The following SMARCD1 variants were observed in gnomAD, a reference collection of about 807,000 sequenced individuals.
SMARCD1 encodes the protein SWI/SNF-related matrix-associated actin-dependent regulator of chromatin subfamily D member 1.
SMARCD1 carries 16 observed loss-of-function variants against 70.8 expected under a neutral mutation model. The observed-to-expected ratio is 0.23, with a 90% CI of 0.15 to 0.34. The LOEUF (loss-of-function observed/expected upper bound fraction) is 0.34. SMARCD1 is among the 10% of genes least tolerant of loss of function. The pLI, the probability that SMARCD1 is intolerant of heterozygous loss-of-function variation, is 1.00. For missense variants in SMARCD1, 409 were observed against 655.5 expected (o/e 0.62, Z 4.11); for synonymous variants, 249 against 246.0 (o/e 1.01, Z -0.11).
At chr12:50,088,278 G>T (rs751184812) in intron 5 of SMARCD1, 1 of 702,658 alleles carries the variant, frequency 1.4e-6, no homozygotes, top group Non-Finnish European at 2.6e-6. Context: ...TTTCCCTTGG[G>T]CAAATGAGAT....
At chr12:50,094,651 T>C (rs1950876400) in intron 10 of SMARCD1, 79 bp downstream of exon 10, 4 of 1,392,362 alleles carry the variant, frequency 2.9e-6, no homozygotes, top group East Asian at 4.6e-5. Context: ...TTCTTAGTGT[T>C]CATTCAAAAT....
chr12:50,095,239 G>A (rs908228608), intron 10 of SMARCD1, among the ~76,000 whole-genome samples: 1 of 152,178 alleles, frequency 6.6e-6, no homozygotes, highest in Non-Finnish European at 1.5e-5. Flanking sequence ...ATTACTAGAC[G>A]CAGTCCTTGC....
At chr12:50,094,332 TAC>T in intron 9 of SMARCD1, 103 bp from the exon 10 acceptor site, 1 of 1,152,040 alleles carries the variant, frequency 8.7e-7, no homozygotes, top group Non-Finnish European at 1.2e-6. Context: ...CGGGCCCTTT[TAC>T]AGTTAGCCCC....
intron 4 of SMARCD1, 142 bp from the exon 5 acceptor site, chr12:50,087,221 T>C: frequency 1.0e-6 from 1 of 989,714 alleles, no homozygotes. Context: ...CTCTTCTAAA[T>C]GGAATCTTCA....
In SMARCD1 at chr12:50,099,211, A is replaced by C. The variant is rs1032744330; in HGVS notation, c.*211A>C. ...CCCACCCCCAGCTTCCCTTTGCCCC[A>C]CAAAGTTCCCATGTGCCTGTACCCT... On this transcript the variant is annotated 3_prime_UTR_variant, in exon 13 of 13. Coordinates refer to ENST00000394963, the MANE Select transcript of SMARCD1 (RefSeq NM_003076.5). 1.6e-6 allele frequency: 1 copy of C among 619,158 alleles called. No individual in the cohort carries two copies. The highest frequency in any genetic ancestry group is 2.8e-5 in the Admixed American group (1 of 36,340). The allele number at this position is 619,158 out of a possible 1,614,324, so 38.4% of individuals were successfully genotyped here. A position where few individuals can be genotyped will look rare whatever the true frequency, so the allele number is the denominator to read the frequency against.
chr12:50,087,232 TCCAC>T, intron 4 of SMARCD1, 127 bp from the exon 5 acceptor site: 1 of 1,106,790 alleles, frequency 9.0e-7, no homozygotes, highest in Non-Finnish European at 1.3e-6. Context: ...GGAATCTTCA[TCCAC>T]CCACCCAAGG....
At chr12:50,096,605 G>T (rs1293043043) in intron 10 of SMARCD1, 1 of 428,166 alleles carries the variant, frequency 2.3e-6, no homozygotes, top group African/African-American at 2.0e-5. Flanking sequence ...CCCATAGTGG[G>T]CAATGTGGAG....
At chr12:50,097,598 A>G (rs1950903929) in intron 11 of SMARCD1, among the ~76,000 whole-genome samples, 1 of 148,728 alleles carries the variant, frequency 6.7e-6, no homozygotes. Flanking sequence ...TAAACCACAT[A>G]AGACATTATC....
intron 1 of SMARCD1, chr12:50,085,948 C>G (rs1419030106): frequency 7.3e-6 from 3 of 413,236 alleles, no homozygotes; most frequent in Admixed American, 8.1e-5. Context: ...CCAAAATAGA[C>G]TGAGAATTTG....
At chr12:50,091,860 GAGCCACT>G (rs2137888688) in intron 9 of SMARCD1, among the ~76,000 whole-genome samples, 1 of 152,326 alleles carries the variant, frequency 6.6e-6, no homozygotes, top group African/African-American at 2.4e-5. Flanking sequence ...TTACAGGTGT[GAGCCACT>G]GCGCCCGGCT....
Position 50,100,435 on chromosome 12 carries a change from C to G in SMARCD1, c.*1435C>G, listed in dbSNP as rs571130250. ...CTTCCCCTTCCTGCCATTTTCCCTC[C>G]CTTGAAAGGTTGACACTGGACAACC... On this transcript the variant is annotated 3_prime_UTR_variant, in exon 13 of 13. Coordinates refer to ENST00000394963, the MANE Select transcript of SMARCD1 (RefSeq NM_003076.5). 1 of 152,718 alleles carries G rather than the reference C, an allele frequency of 6.5e-6. No individual in the cohort carries two copies. The highest frequency in any genetic ancestry group is 2.4e-5 in the African/African-American group (1 of 41,522). The allele number at this position is 152,718 out of a possible 1,614,324, so 9.5% of individuals were successfully genotyped here. A position where few individuals can be genotyped will look rare whatever the true frequency, so the allele number is the denominator to read the frequency against.
intron 11 of SMARCD1, 93 bp from the exon 12 acceptor site, chr12:50,098,621 G>A (rs1338731017): frequency 1.0e-6 from 1 of 993,708 alleles, no homozygotes; most frequent in Non-Finnish European, 1.5e-6. Context: ...ACATTTTGGG[G>A]AAGGATACAA....
At chr12:50,089,839 G>T in intron 6 of SMARCD1, 45 bp from the exon 7 acceptor site, 2 of 1,141,014 alleles carry the variant, frequency 1.8e-6, no homozygotes, top group Non-Finnish European at 2.6e-6. Flanking sequence ...TCCCACCCCA[G>T]CTCTTCCTCT....
chr12:50,095,833 T>A (rs1592293784), intron 10 of SMARCD1, among the ~76,000 whole-genome samples: 1 of 152,268 alleles, frequency 6.6e-6, no homozygotes, highest in East Asian at 1.9e-4. Flanking sequence ...ACGGGATGTT[T>A]TGGGAAGGAA....
At chr12:50,090,939 C>T (rs938563678) in intron 9 of SMARCD1, among the ~76,000 whole-genome samples, 1 of 148,912 alleles carries the variant, frequency 6.7e-6, no homozygotes, top group African/African-American at 2.5e-5. Flanking sequence ...ATTCTCCTGC[C>T]TCAGCCTCCC....
rs1950778239 is a variant in SMARCD1, at chr12:50,085,498, T to C, written c.129T>C (p.Ala43=). The C allele has an allele frequency of 3.2e-6, 4 of 1,238,706 alleles. No individual in the cohort carries two copies. Among genetic ancestry groups the C allele is most frequent in the Non-Finnish European group, 4.0e-6 (4 of 991,406 alleles). The allele number at this position is 1,238,706 out of a possible 1,614,324, so 76.7% of individuals were successfully genotyped here. ...GGCCTCCTGTGCGAATGGGCCCGGCTCCGGGTCAAGGGCTGTACCGCTCCC... is the reference window on the plus strand; with the variant it reads ...GGCCTCCTGTGCGAATGGGCCCGGCCCCGGGTCAAGGGCTGTACCGCTCCC... ...TPGPPVRMGP[A]PGQGLYRSPM... is the part of the protein sequence containing the mutation. The change falls in exon 1 of 13, where the codon GCT becomes GCC. Residue 43 remains alanine, a synonymous_variant. Transcript: ENST00000394963.
At position 50,086,476 on chromosome 12, in the gene SMARCD1, T is replaced by C. The variant is rs578249348; in HGVS notation, c.365+128T>C. ...GTGCTACAGAACTCATCCTTGAGAA[T>C]GCTTGGTGGTGGTGGTGGTGGTGGT... On this transcript the variant is annotated intron_variant, in intron 2 of 12. Coordinates refer to ENST00000394963, the MANE Select transcript of SMARCD1 (RefSeq NM_003076.5). 325 of 472,096 alleles carry C rather than the reference T, an allele frequency of 6.9e-4. 1 individual carries two copies. The East Asian group carries it at 0.013, about 19-fold the overall frequency. The allele number at this position is 472,096 out of a possible 1,614,324, so 29.2% of individuals were successfully genotyped here. A position where few individuals can be genotyped will look rare whatever the true frequency, so the allele number is the denominator to read the frequency against.
Position 50,089,834 on chromosome 12 carries a change from C to T in SMARCD1, c.772-50C>T, listed in dbSNP as rs867397242. ...TCATTACAGAAGCTCTTCCCTCCCA[C>T]CCCAGCTCTTCCTCTGGGAGAGCAC... On this transcript the variant is annotated intron_variant, in intron 6 of 12. Transcript: ENST00000394963. 7.0e-6 allele frequency: 9 copies of T among 1,281,016 alleles called. 1 individual carries two copies. The African/African-American group carries it at 8.8e-5, about 12-fold the overall frequency. 79.4% of individuals were successfully genotyped at this position (1,281,016 alleles called of 1,614,324 possible).
At position 50,090,252 on chromosome 12, in the gene SMARCD1, T is replaced by G; in HGVS notation, c.885T>G (p.Phe295Leu). Reference protein sequence around the residue: ...LLMLDYQPPQFKLDPRLARLL... With the variant: ...LLMLDYQPPQLKLDPRLARLL... ...TTGGTTCCCTGCAGCCTCCCCAGTT[T>G]AAATTAGACCCCCGCCTAGCTCGAC... The change falls in exon 8 of 13, where the codon TTT (phenylalanine) becomes TTG (leucine). Residue 295 changes from phenylalanine to leucine, a missense_variant. By Grantham distance (22) the Phe-to-Leu change is conservative. Around this residue, in one of 2 missense-constraint regions of SMARCD1, gnomAD observed 269 missense variants for 498.6 expected, o/e 0.54. Coordinates refer to ENST00000394963, the MANE Select transcript of SMARCD1 (RefSeq NM_003076.5). 1 of 1,612,154 alleles carries G rather than the reference T, an allele frequency of 6.2e-7. No individual in the cohort carries two copies. Among genetic ancestry groups the G allele is most frequent in the Non-Finnish European group, 8.5e-7 (1 of 1,179,208 alleles).
Sources: gnomAD v4.1 joint callset for allele counts (sites outside exome capture counted in the v4.1 genomes callset) on GRCh38, gnomAD v4.1.1 for gene constraint, gnomAD v4.1.1 regional missense constraint, MANE v1.5 for transcripts, NCBI Gene and HGNC (gene_info 2026-07-23, HGNC 2026-07-21) for gene names.